The following ZNF385B variants were observed in gnomAD, a reference collection of about 807,000 sequenced individuals.
ZNF385B encodes zinc finger protein 385B, also known as zinc finger protein 533.
Under a neutral mutation model 39.2 loss-of-function variants are expected in ZNF385B, and 23 were observed. The observed-to-expected ratio is 0.59, with a 90% CI of 0.42 to 0.83. The LOEUF is 0.83. Ranked by LOEUF, ZNF385B falls within the 40% of genes least tolerant of loss-of-function variation. The pLI is 0.00. For synonymous variants in ZNF385B, 205 were observed against 222.6 expected, an observed-to-expected ratio of 0.92 and a Z score of 0.70; for missense variants, 552 against 598.9, an observed-to-expected ratio of 0.92 and a Z score of 0.82.
intron 1 of ZNF385B, among the ~76,000 whole-genome samples, chr2:179,776,860 T>C (rs1704351819): frequency 6.6e-6 from 1 of 152,106 alleles, no homozygotes; most frequent in Non-Finnish European, 1.5e-5. Context: ...AATTAGGTAA[T>C]ATGATGGGCA....
In ZNF385B at chr2:179,688,707, G is replaced by A. The variant is rs75466510; in HGVS notation, c.298+80796C>T. Among the ~76,000 whole-genome samples the A allele has an allele frequency of 1.6e-3, 247 of 152,188 alleles. 2 individuals are homozygous for A. Among genetic ancestry groups the A allele is most frequent in the East Asian group, 5.6e-3 (29 of 5,176 alleles). On this transcript the variant is annotated intron_variant, in intron 3 of 9. Coordinates refer to ENST00000410066, the MANE Select transcript of ZNF385B (RefSeq NM_152520.6). ...TAATATCGACCCTCTAGCATTTTTT[G>A]AGGATACAATACATTGTTATTAATT...
At chr2:179,541,818 A>C (rs2059935422) in intron 4 of ZNF385B, among the ~76,000 whole-genome samples, 1 of 152,170 alleles carries the variant, frequency 6.6e-6, no homozygotes, top group African/African-American at 2.4e-5. Flanking sequence ...AAAGAGCACA[A>C]AGATTTCTGA....
intron 3 of ZNF385B, among the ~76,000 whole-genome samples, chr2:179,647,293 A>G (rs1225023283): frequency 4.6e-5 from 7 of 152,000 alleles, no homozygotes; most frequent in Non-Finnish European, 1.0e-4. Context: ...GATACATAAT[A>G]TTTGCACATA....
At chr2:179,493,738 T>TAC (rs1310821564) in intron 5 of ZNF385B, among the ~76,000 whole-genome samples, 3 of 144,500 alleles carry the variant, frequency 2.1e-5, no homozygotes, top group Non-Finnish European at 3.0e-5. Flanking sequence ...TACATATATG[T>TAC]ATACATATGT....
At chr2:179,445,773 T>A in intron 7 of ZNF385B, 45 bp from the exon 8 acceptor site, 9 of 1,491,016 alleles carry the variant, frequency 6.0e-6, no homozygotes, top group Non-Finnish European at 8.0e-6. Context: ...CCAAGAATTA[T>A]ATAAAGCTCT....
intron 6 of ZNF385B, among the ~76,000 whole-genome samples, chr2:179,464,334 C>G (rs1173222220): frequency 1.1e-4 from 17 of 152,166 alleles, no homozygotes; most frequent in Admixed American, 9.2e-4. Context: ...TTTTGCTGTG[C>G]AGAAGCTCTT....
chr2:179,561,512 A>T (rs1424110820), intron 3 of ZNF385B, among the ~76,000 whole-genome samples: 1 of 152,034 alleles, frequency 6.6e-6, no homozygotes, highest in Non-Finnish European at 1.5e-5. Context: ...TTTTCAAGCC[A>T]CCTGAAATCC....
chr2:179,685,702 A>T (rs1232081458), intron 3 of ZNF385B, among the ~76,000 whole-genome samples: 1 of 152,056 alleles, frequency 6.6e-6, no homozygotes, highest in African/African-American at 2.4e-5. Context: ...TGCTAAAAAA[A>T]AAAATAAAAA....
chr2:179,465,942 C>T (rs1178942177), intron 6 of ZNF385B, among the ~76,000 whole-genome samples: 1 of 152,104 alleles, frequency 6.6e-6, no homozygotes, highest in Non-Finnish European at 1.5e-5. Flanking sequence ...GTGAGCAATA[C>T]GTTTGCTGAA....
intron 3 of ZNF385B, among the ~76,000 whole-genome samples, chr2:179,551,307 AC>A: frequency 6.6e-6 from 1 of 152,232 alleles, no homozygotes; most frequent in African/African-American, 2.4e-5. Flanking sequence ...CACTCTTGAG[AC>A]AGGAGTAATA....
intron 3 of ZNF385B, among the ~76,000 whole-genome samples, chr2:179,594,386 C>T (rs138092604): frequency 6.6e-6 from 1 of 152,298 alleles, no homozygotes; most frequent in African/African-American, 2.4e-5. Context: ...CTAATTTAGT[C>T]ATGGTCAACT....
At chr2:179,615,876 G>A (rs995059162) in intron 3 of ZNF385B, among the ~76,000 whole-genome samples, 3 of 152,208 alleles carry the variant, frequency 2.0e-5, no homozygotes, top group African/African-American at 7.2e-5. Flanking sequence ...TAATCTCTGG[G>A]TGATGGGACC....
At chr2:179,818,687 A>T (rs907785761) in intron 1 of ZNF385B, among the ~76,000 whole-genome samples, 1 of 152,100 alleles carries the variant, frequency 6.6e-6, no homozygotes, top group Non-Finnish European at 1.5e-5. Flanking sequence ...CCCACAACAC[A>T]CTTCCGGTCA....
chr2:179,702,433 G>T (rs1390492738), intron 3 of ZNF385B, among the ~76,000 whole-genome samples: 1 of 152,102 alleles, frequency 6.6e-6, no homozygotes, highest in African/African-American at 2.4e-5. Context: ...AGGCAGGCTT[G>T]CTTTATCAAT....
chr2:179,447,792 A>G (rs1234101452), intron 6 of ZNF385B, among the ~76,000 whole-genome samples: 1 of 152,186 alleles, frequency 6.6e-6, no homozygotes, highest in Non-Finnish European at 1.5e-5. Context: ...CTAGAAGACT[A>G]AGAGGGAAGG....
chr2:179,702,023 C>G (rs1338959635), intron 3 of ZNF385B, among the ~76,000 whole-genome samples: 3 of 152,120 alleles, frequency 2.0e-5, no homozygotes, highest in African/African-American at 7.2e-5. Flanking sequence ...CCCAAAGAGA[C>G]CAGATTGCTG....
At chr2:179,463,431 G>C (rs2051592490) in intron 6 of ZNF385B, among the ~76,000 whole-genome samples, 1 of 152,046 alleles carries the variant, frequency 6.6e-6, no homozygotes, top group South Asian at 2.1e-4. Context: ...GTATACATGT[G>C]CCATGGTGGT....
chr2:179,635,508 T>G (rs184705219), intron 3 of ZNF385B, among the ~76,000 whole-genome samples: 3 of 152,008 alleles, frequency 2.0e-5, no homozygotes, highest in African/African-American at 4.8e-5. Context: ...GTTATGCACA[T>G]GTACCCTAGA....
intron 3 of ZNF385B, among the ~76,000 whole-genome samples, chr2:179,605,787 A>G (rs991533735): frequency 1.3e-5 from 2 of 152,184 alleles, no homozygotes; most frequent in Non-Finnish European, 2.9e-5. Flanking sequence ...AAGTGAATTA[A>G]CCAGCTTTCA....
Sources: allele counts gnomAD v4.1 joint callset (sites outside exome capture counted in the v4.1 genomes callset), GRCh38; gene constraint gnomAD v4.1.1; transcripts MANE v1.5; gene names NCBI Gene and HGNC (gene_info 2026-07-23, HGNC 2026-07-21).